The following ENKUR variants were observed in gnomAD, a reference collection of about 807,000 sequenced individuals.
ENKUR encodes enkurin.
Under a neutral mutation model 27.6 loss-of-function variants are expected in ENKUR, and 19 were observed. That is an observed-to-expected ratio of 0.69 (90% CI 0.48 to 1.01). ENKUR has a LOEUF of 1.01. ENKUR is among the 50% of genes least tolerant of loss of function. ENKUR has a pLI of 0.00. For synonymous variants in ENKUR, 117 were observed against 96.9 expected, an observed-to-expected ratio of 1.21 and a Z score of -1.22; for missense variants, 312 against 310.5, an observed-to-expected ratio of 1.00 and a Z score of -0.04.
intron 2 of ENKUR, among the ~76,000 whole-genome samples, chr10:25,028,173 G>C (rs1198435189): frequency 6.6e-6 from 1 of 152,148 alleles, no homozygotes; most frequent in Non-Finnish European, 1.5e-5. Context: ...AATGCCCAAG[G>C]GTTCATGTGT....
chr10:24,990,662 T>C, intron 3 of ENKUR, 53 bp from the exon 4 acceptor site: 2 of 1,491,400 alleles, frequency 1.3e-6, no homozygotes, highest in Non-Finnish European at 1.8e-6. Flanking sequence ...CAATCTTACA[T>C]ATGGGTACGT....
chr10:25,025,322 C>T (rs780576790), intron 2 of ENKUR: 1 of 1,614,056 alleles, frequency 6.2e-7, no homozygotes, highest in East Asian at 2.2e-5. Context: ...TCATACAATG[C>T]ATTACCTCCA....
At position 25,004,251 on chromosome 10, in the gene ENKUR, T is replaced by C. The variant is rs78563528; in HGVS notation, c.78-4705A>G. On this transcript the variant is annotated intron_variant, in intron 1 of 5. Transcript: ENST00000331161. ...TGCAATGAACCTAGGCATGCATGTG[T>C]CTTTATAATAGAACAATTTCTATTC... is the stretch of plus-strand genomic sequence containing the variant. 9.1e-3 allele frequency among the ~76,000 whole-genome samples: 1,383 copies of C among 152,330 alleles called. 19 individuals are homozygous for C. Among genetic ancestry groups the C allele is most frequent in the African/African-American group, 0.031 (1,296 of 41,562 alleles).
intron 2 of ENKUR, among the ~76,000 whole-genome samples, chr10:24,996,124 G>T (rs1470112673): frequency 6.6e-6 from 1 of 152,138 alleles, no homozygotes; most frequent in Non-Finnish European, 1.5e-5. Context: ...AATTAAAATG[G>T]AAATAAATTA....
chr10:24,991,751 A>G lies in ENKUR; in HGVS notation c.448-1142T>C, dbSNP rs1849934015. On this transcript the variant is annotated intron_variant, in intron 3 of 5. Transcript: ENST00000331161. ...AGTATACCAAGGCAAGACTCCTGGG[A>G]TACAGAAAGTCCTTTGGAAGCCCTC... is the stretch of plus-strand genomic sequence containing the variant. Among the ~76,000 whole-genome samples the G allele has an allele frequency of 2.0e-5, 3 of 152,360 alleles. No homozygotes were observed. In the South Asian group the frequency reaches 6.2e-4, roughly 32 times the overall value.
chr10:25,027,181 C>G (rs942097044), intron 2 of ENKUR, among the ~76,000 whole-genome samples: 5 of 150,628 alleles, frequency 3.3e-5, no homozygotes, highest in African/African-American at 1.2e-4. Flanking sequence ...ATGGAGAAAC[C>G]CTGTCTCTAC....
Position 25,034,901 on chromosome 10 carries a change from T to C in ENKUR, c.37+26211A>G, listed in dbSNP as rs759085602. ...GAGAAAAGTTGAGTATAACAATATTTTACTGGCATCAGAAAGAAGAAAAAT... is the reference window on the plus strand; with the variant it reads ...GAGAAAAGTTGAGTATAACAATATTCTACTGGCATCAGAAAGAAGAAAAAT... On this transcript the variant is annotated intron_variant, in intron 2 of 5. Transcript: ENST00000615958. Among the ~76,000 whole-genome samples, 14 of 152,158 alleles carry C rather than the reference T, an allele frequency of 9.2e-5. 1 individual carries two copies. Among genetic ancestry groups the C allele is most frequent in the Non-Finnish European group, 2.1e-4 (14 of 68,024 alleles).
chr10:25,061,309 C>G, exon 2 of ENKUR: 1 of 651,652 alleles, frequency 1.5e-6, no homozygotes, highest in Non-Finnish European at 2.7e-6. Context: ...TCTTGTGCCG[C>G]TCCTCCAGCC....
intron 2 of ENKUR, among the ~76,000 whole-genome samples, chr10:25,038,579 A>G (rs190429087): frequency 6.6e-6 from 1 of 152,312 alleles, no homozygotes; most frequent in East Asian, 1.9e-4. Context: ...GATACATCAT[A>G]TTATTCTTAT....
chr10:25,052,830 T>A (rs1401985275), intron 2 of ENKUR, among the ~76,000 whole-genome samples: 1 of 152,068 alleles, frequency 6.6e-6, no homozygotes, highest in East Asian at 1.9e-4. Context: ...CAAGCTGGAA[T>A]GCAATCTCAG....
intron 2 of ENKUR, chr10:25,025,337 A>G (rs17857051): frequency 2.5e-6 from 4 of 1,614,104 alleles, no homozygotes; most frequent in Non-Finnish European, 3.4e-6. Context: ...CCTCCACTGC[A>G]TGAGGCTTTA....
At chr10:24,988,250 ATG>A (rs1554768756) in intron 4 of ENKUR, among the ~76,000 whole-genome samples, 3 of 140,292 alleles carry the variant, frequency 2.1e-5, no homozygotes, top group Non-Finnish European at 4.5e-5. Context: ...ATATATATAT[ATG>A]TGTATATATA....
intron 2 of ENKUR, among the ~76,000 whole-genome samples, chr10:25,033,849 ATCT>A (rs1564353899): frequency 6.6e-6 from 1 of 151,582 alleles, no homozygotes; most frequent in East Asian, 1.9e-4. Flanking sequence ...CTATCTATCT[ATCT>A]ATCTATCTAT....
At chr10:25,062,019 G>A (rs991967556) in intron 1 of ENKUR, among the ~76,000 whole-genome samples, 3 of 152,156 alleles carry the variant, frequency 2.0e-5, no homozygotes, top group Non-Finnish European at 4.4e-5. Context: ...TAACGATAAC[G>A]ACTACTAGCT....
chr10:24,982,865 G>T lies in ENKUR; in HGVS notation c.*1505C>A, dbSNP rs1849697905. ...TAGTAGACATTTACAGAAAGCAAAA[G>T]AATTAGCTGTTAAAACCACAAAGTT... On this transcript the variant is annotated 3_prime_UTR_variant, in exon 6 of 6. Transcript: ENST00000331161. 6.6e-6 allele frequency: 1 copy of T among 152,184 alleles called. No individual in the cohort carries two copies. The highest frequency in any genetic ancestry group is 1.5e-5 in the Non-Finnish European group (1 of 68,032). 9.4% of individuals were successfully genotyped at this position (152,184 alleles called of 1,614,324 possible). A position where few individuals can be genotyped will look rare whatever the true frequency, so the allele number is the denominator to read the frequency against.
rs1270162473 is a variant in ENKUR at position 25,061,111 on chromosome 10, C to T, written c.37+1G>A. On this transcript the variant is annotated splice_donor_variant, in intron 2 of 5. Transcript: ENST00000615958. LOFTEE classifies it high-confidence loss of function. The stretch of plus-strand genomic sequence containing the variant: ...TGTGAACACAAGAATGTCAGTATTA[C>T]CTGGGGAGCCACCTCCAGTCACCCG... The T allele has an allele frequency of 2.6e-6, 4 of 1,535,912 alleles. No homozygotes were observed. Among genetic ancestry groups the T allele is most frequent in the Non-Finnish European group, 2.6e-6 (3 of 1,146,872 alleles).
Position 24,984,250 on chromosome 10 carries a change from T to G in ENKUR, c.*120A>C. The G allele has an allele frequency of 8.9e-7, 1 of 1,124,994 alleles. No individual in the cohort carries two copies. The highest frequency in any genetic ancestry group is 1.3e-6 in the Non-Finnish European group (1 of 792,046). The allele number at this position is 1,124,994 out of a possible 1,614,324, so 69.7% of individuals were successfully genotyped here. ...ATGTCATGGGCCACAGGAAAATACATCTTTTGCATTTGTGGAGCTCAGAAA... is the reference window on the plus strand; with the variant it reads ...ATGTCATGGGCCACAGGAAAATACAGCTTTTGCATTTGTGGAGCTCAGAAA... On this transcript the variant is annotated 3_prime_UTR_variant, in exon 6 of 6. Transcript: ENST00000331161.
At chr10:25,037,517 TTAAAA>T (rs1460107112) in intron 2 of ENKUR, among the ~76,000 whole-genome samples, 2 of 152,206 alleles carry the variant, frequency 1.3e-5, no homozygotes, top group African/African-American at 4.8e-5. Flanking sequence ...CCATTGCATC[TTAAAA>T]TAAATGATTT....
intron 2 of ENKUR, among the ~76,000 whole-genome samples, chr10:25,031,901 T>C (rs1280806193): frequency 1.3e-5 from 2 of 152,058 alleles, no homozygotes; most frequent in East Asian, 3.9e-4. Flanking sequence ...CTTGAGCTCA[T>C]GGCCTCAAGT....
Sources: gnomAD v4.1 joint callset for allele counts (sites outside exome capture counted in the v4.1 genomes callset) on GRCh38, gnomAD v4.1.1 for gene constraint, MANE v1.5 for transcripts, NCBI Gene and HGNC (gene_info 2026-07-23, HGNC 2026-07-21) for gene names.